The following RBM6 variants were observed in gnomAD, a reference collection of about 807,000 sequenced individuals.
The protein encoded by RBM6 is RNA binding motif protein 6, also known as RNA-binding protein 6.
RBM6 carries 23 observed loss-of-function variants against 140.4 expected under a neutral mutation model. That is an observed-to-expected ratio of 0.16 (90% CI 0.12 to 0.23). RBM6 has a LOEUF of 0.23. Ranked by LOEUF, RBM6 falls within the 10% of genes least tolerant of loss-of-function variation. RBM6 has a pLI of 1.00. For missense variants in RBM6, 1,139 were observed against 1,386.7 expected (o/e 0.82, Z 2.84); for synonymous variants, 439 against 475.6 (o/e 0.92, Z 1.00).
intron 6 of RBM6, among the ~76,000 whole-genome samples, chr3:50,003,164 T>G (rs1293021381): frequency 6.6e-6 from 1 of 151,744 alleles, no homozygotes; most frequent in East Asian, 1.9e-4. Flanking sequence ...AATAAATATT[T>G]GTGGAAGATA....
At chr3:50,023,305 C>G (rs530802350) in intron 6 of RBM6, among the ~76,000 whole-genome samples, 23 of 151,918 alleles carry the variant, frequency 1.5e-4, no homozygotes, top group African/African-American at 5.6e-4. Context: ...CTCTCAGTTA[C>G]TTCTTATTTA....
intron 1 of RBM6, among the ~76,000 whole-genome samples, chr3:49,944,809 G>A (rs2083417768): frequency 6.6e-6 from 1 of 151,248 alleles, no homozygotes; most frequent in African/African-American, 2.4e-5. Context: ...ATTTCTTTTG[G>A]GAATATATAT....
intron 1 of RBM6, chr3:49,940,763 G>A (rs2083248980): frequency 6.6e-6 from 1 of 152,606 alleles, no homozygotes; most frequent in African/African-American, 2.4e-5. Flanking sequence ...TTCTGCGCCC[G>A]TTAGGCAATG....
chr3:49,949,062 C>T (rs2108578217), intron 1 of RBM6, among the ~76,000 whole-genome samples: 1 of 151,162 alleles, frequency 6.6e-6, no homozygotes, highest in Non-Finnish European at 1.5e-5. Flanking sequence ...AATTTCTGAC[C>T]TTGTGATCCG....
At chr3:49,980,761 TAA>T (rs1208250264) in intron 5 of RBM6, among the ~76,000 whole-genome samples, 14 of 119,090 alleles carry the variant, frequency 1.2e-4, no homozygotes, top group Admixed American at 2.7e-4. Flanking sequence ...GAATTCATCT[TAA>T]AAAAAAAAAA....
At chr3:50,024,799 A>G (rs993832623) in intron 6 of RBM6, among the ~76,000 whole-genome samples, 12 of 152,078 alleles carry the variant, frequency 7.9e-5, no homozygotes, top group Non-Finnish European at 1.8e-4. Flanking sequence ...TAAAAATACA[A>G]AAAATTAGCT....
rs1214317972 is a variant in RBM6, at chr3:49,945,875, C to T, written c.-67+5650C>T. 3.3e-5 allele frequency among the ~76,000 whole-genome samples: 4 copies of T among 122,306 alleles called. No individual in the cohort carries two copies. In the South Asian group the frequency reaches 1.1e-3, roughly 33 times the overall value. 80.2% of individuals were successfully genotyped at this position (122,306 alleles called of 152,430 possible). ...CCAGCCTGGGCGACAGAGCGAGACT[C>T]CATCTCAAAAAAAAAAAAAAAAAAA... On this transcript the variant is annotated intron_variant, in intron 1 of 20. Transcript: ENST00000266022.
At chr3:50,070,418 GT>G in intron 18 of RBM6, 36 bp from the exon 19 acceptor site, 1 of 1,451,096 alleles carries the variant, frequency 6.9e-7, no homozygotes, top group Non-Finnish European at 9.7e-7. Flanking sequence ...ATTCCCTCAG[GT>G]GGCAATCTCA....
intron 1 of RBM6, among the ~76,000 whole-genome samples, chr3:49,949,948 C>G (rs1380220897): frequency 1.3e-5 from 2 of 152,066 alleles, no homozygotes; most frequent in African/African-American, 4.8e-5. Context: ...GTTTTGAATT[C>G]CTGGTCTCAA....
At chr3:50,022,419 C>G (rs554114861) in intron 6 of RBM6, among the ~76,000 whole-genome samples, 23 of 152,060 alleles carry the variant, frequency 1.5e-4, no homozygotes, top group African/African-American at 5.5e-4. Context: ...AAACCTCTGC[C>G]TCCCGGGTTC....
At chr3:49,948,948 A>C (rs1321854491) in intron 1 of RBM6, among the ~76,000 whole-genome samples, 1 of 144,652 alleles carries the variant, frequency 6.9e-6, no homozygotes, top group Non-Finnish European at 1.5e-5. Flanking sequence ...CTCCTGCCTC[A>C]GGCTCTCAAG....
chr3:49,952,025 T>C (rs1053155603), intron 1 of RBM6, among the ~76,000 whole-genome samples: 7 of 150,658 alleles, frequency 4.6e-5, no homozygotes, highest in African/African-American at 1.7e-4. Context: ...CCTGCCTTGT[T>C]ATTATTATTA....
rs200018511 is a variant in RBM6, at chr3:50,059,690, G to T, written c.2172G>T (p.Pro724=). 5.6e-6 allele frequency: 9 copies of T among 1,613,494 alleles called. No individual in the cohort carries two copies. Among genetic ancestry groups the T allele is most frequent in the East Asian group, 4.5e-5 (2 of 44,830 alleles). Residue 724 remains proline, a synonymous_variant, in exon 11 of 21, where the codon CCG becomes CCT. Coordinates refer to ENST00000266022, the MANE Select transcript of RBM6 (RefSeq NM_005777.3). ...TGAAGATCTTACAGAACCTTGATCCGCCATTTAGCATTGATGGGAAGATGG... is the reference window on the plus strand; with the variant it reads ...TGAAGATCTTACAGAACCTTGATCCTCCATTTAGCATTGATGGGAAGATGG... ...RVVKILQNLD[P]PFSIDGKMVA... is the part of the protein sequence containing the mutation.
chr3:50,027,756 G>A lies in RBM6; in HGVS notation c.1558-20489G>A, dbSNP rs138119924. On this transcript the variant is annotated intron_variant, in intron 6 of 20. Coordinates refer to ENST00000266022, the MANE Select transcript of RBM6 (RefSeq NM_005777.3). ...CTGCTCATTAATTGGTAGACATTTA[G>A]GTTGTTTCCACTTTTGTTTATTATG... Among the ~76,000 whole-genome samples, 505 of 152,256 alleles carry A rather than the reference G, an allele frequency of 3.3e-3. 3 individuals carry two copies. Among genetic ancestry groups the A allele is most frequent in the African/African-American group, 0.01 (425 of 41,556 alleles).
Position 49,967,005 on chromosome 3 carries a change from G to T in RBM6, c.45-465G>T, listed in dbSNP as rs1272974335. On this transcript the variant is annotated intron_variant, in intron 2 of 20. Coordinates refer to ENST00000266022, the MANE Select transcript of RBM6 (RefSeq NM_005777.3). The surrounding 1 kb of genome is among the most constrained non-coding windows in gnomAD (Gnocchi z 4.0). ...TAATAAAATATTTTTGAATGTTACC[G>T]CTGGATGCAGCGTGAGAAAGATACC... is the stretch of plus-strand genomic sequence containing the variant. Among the ~76,000 whole-genome samples, 1 of 152,082 alleles carries T rather than the reference G, an allele frequency of 6.6e-6. No individual in the cohort carries two copies. The highest frequency in any genetic ancestry group is 1.5e-5 in the Non-Finnish European group (1 of 68,014).
rs967059717 is a variant in RBM6 at position 50,066,601 on chromosome 3, G to A, written c.2943+99G>A. The A allele has an allele frequency of 4.9e-6, 7 of 1,424,466 alleles. No homozygotes were observed. In the Admixed American group the frequency reaches 1.4e-4, roughly 28 times the overall value. The allele number at this position is 1,424,466 out of a possible 1,614,324, so 88.2% of individuals were successfully genotyped here. On this transcript the variant is annotated intron_variant, in intron 17 of 20. Transcript: ENST00000266022. ...CTAGCACTTTGGGAGGCCGAGGCGG[G>A]TGGATTGCCTGGGCTCAGAAGTACA...
At chr3:50,050,213 A>G (rs1318438125) in intron 7 of RBM6, among the ~76,000 whole-genome samples, 1 of 152,126 alleles carries the variant, frequency 6.6e-6, no homozygotes, top group East Asian at 1.9e-4. Flanking sequence ...ATCATTAATC[A>G]GTAACTTCCC....
In RBM6 at chr3:49,975,314, T is replaced by A. The variant is rs2085015208; in HGVS notation, c.1414-9T>A. On this transcript the variant is annotated splice_polypyrimidine_tract_variant and intron_variant, in intron 4 of 20. Coordinates refer to ENST00000266022, the MANE Select transcript of RBM6 (RefSeq NM_005777.3). ...TTGTATCATTTGTATAAATGCCATA[T>A]TTTTGCAGATTCTTAATGCTTTTCG... is the stretch of plus-strand genomic sequence containing the variant. 1 of 1,604,272 alleles carries A rather than the reference T, an allele frequency of 6.2e-7. No individual in the cohort carries two copies. Among genetic ancestry groups the A allele is most frequent in the African/African-American group, 1.3e-5 (1 of 74,688 alleles).
At chr3:50,017,123 G>T (rs1314161044) in intron 6 of RBM6, among the ~76,000 whole-genome samples, 5 of 152,054 alleles carry the variant, frequency 3.3e-5, no homozygotes, top group Non-Finnish European at 7.4e-5. Flanking sequence ...ACTATGCCCA[G>T]CTCCTTATGG....
Sources: gnomAD v4.1 joint callset for allele counts (sites outside exome capture counted in the v4.1 genomes callset) on GRCh38, gnomAD v4.1.1 for gene constraint, Gnocchi (gnomAD v3.1) non-coding constraint, MANE v1.5 for transcripts, NCBI Gene and HGNC (gene_info 2026-07-23, HGNC 2026-07-21) for gene names.